The following DNHD1 variants were observed in gnomAD, a reference collection of about 807,000 sequenced individuals.
The protein encoded by DNHD1 is dynein heavy chain domain-containing protein 1.
In DNHD1, 383 loss-of-function variants were observed where a neutral mutation model predicts 458.1. That is an observed-to-expected ratio of 0.84 (90% CI 0.77 to 0.91). The LOEUF (loss-of-function observed/expected upper bound fraction) is 0.91. DNHD1 is among the 40% of genes least tolerant of loss of function. DNHD1 has a pLI of 0.00. For synonymous variants in DNHD1, 2,203 were observed against 2,376.9 expected (o/e 0.93, Z 2.13); for missense variants, 5,336 against 5,866.1 (o/e 0.91, Z 2.95).
At chr11:6,552,661 G>T (rs896663194) in intron 24 of DNHD1, among the ~76,000 whole-genome samples, 1 of 151,934 alleles carries the variant, frequency 6.6e-6, no homozygotes, top group African/African-American at 2.4e-5. Flanking sequence ...CGGGGGCGGG[G>T]TGGGGTGAAG....
Position 6,557,083 on chromosome 11 carries a change from C to A in DNHD1, c.7788C>A (p.His2596Gln), listed in dbSNP as rs747940622. ...HYHFSLHSVS[H>Q]LLSSLQLLPN... Reference sequence around the variant, plus strand: ...ACTTCTCCCTACACTCTGTGAGCCACCTACTGAGCAGCCTGCAGCTGCTGC... The same window carrying A: ...ACTTCTCCCTACACTCTGTGAGCCAACTACTGAGCAGCCTGCAGCTGCTGC... The change falls in exon 25 of 43, where the codon CAC becomes CAA. Residue 2596 changes from histidine to glutamine, a missense_variant. His to Gln is a conservative substitution (Grantham distance 24). Around this residue, in one of 4 missense-constraint regions of DNHD1, gnomAD observed 3,932 missense variants for 4,365.6 expected, o/e 0.90. Transcript: ENST00000254579. The A allele has an allele frequency of 6.4e-7, 1 of 1,551,750 alleles. No homozygotes were observed. The highest frequency in any genetic ancestry group is 1.2e-5 in the South Asian group (1 of 84,058).
In DNHD1 at chr11:6,528,622, A is replaced by G. The variant is rs555156573; in HGVS notation, c.1938A>G (p.Gly646=). The change falls in exon 11 of 43, where the codon GGA becomes GGG. Residue 646 remains glycine (G), a synonymous_variant. Coordinates refer to ENST00000254579, the MANE Select transcript of DNHD1 (RefSeq NM_144666.3). ...GCATCTTCTGTGGCCCGAATGTGGG[A>G]TTGGTGTGGCCCTGGAAGTCTCACC... ...AVSIFCGPNV[G]LVWPWKSHPI... 5.8e-6 allele frequency: 9 copies of G among 1,551,624 alleles called. No homozygotes were observed. The South Asian group carries it at 7.1e-5, about 12-fold the overall frequency.
In DNHD1 at chr11:6,548,211, T is replaced by A; in HGVS notation, c.6907T>A (p.Phe2303Ile). 1 of 1,551,582 alleles carries A rather than the reference T, an allele frequency of 6.4e-7. No individual in the cohort carries two copies. The highest frequency in any genetic ancestry group is 8.7e-7 in the Non-Finnish European group (1 of 1,146,902). ...TTGCCTGTGTGTCCATCTGAGCAGGTTCTGGCCCATCTTTGATACCTTCAT... is the reference window on the plus strand; with the variant it reads ...TTGCCTGTGTGTCCATCTGAGCAGGATCTGGCCCATCTTTGATACCTTCAT... ...WGFGAHLPSR[F>I]WPIFDTFIRD... The change falls in exon 23 of 43, where the codon TTC (phenylalanine) becomes ATC (isoleucine). Residue 2303 changes from phenylalanine to isoleucine, a missense_variant and splice_region_variant. By Grantham distance (21) the Phe-to-Ile change is conservative. Transcript: ENST00000254579. This position sits in a 1 kb window ranked among gnomAD's most constrained non-coding sequence, Gnocchi z 4.4.
Position 6,547,788 on chromosome 11 carries a change from T to C in DNHD1, c.6728-75T>C, listed in dbSNP as rs1027161209. 4 of 1,531,550 alleles carry C rather than the reference T, an allele frequency of 2.6e-6. No individual in the cohort carries two copies. The South Asian group carries it at 3.6e-5, about 14-fold the overall frequency. 94.9% of individuals were successfully genotyped at this position (1,531,550 alleles called of 1,614,324 possible). A position where few individuals can be genotyped will look rare whatever the true frequency, so the allele number is the denominator to read the frequency against. On this transcript the variant is annotated intron_variant, in intron 21 of 42. Transcript: ENST00000254579. ...GGGCCAGGAGTGAAAAGTAATACTG[T>C]CAACCTTTTTTCTTTCTTTCACCTT...
At position 6,544,890 on chromosome 11, in the gene DNHD1, G is replaced by C. The variant is rs1435308359; in HGVS notation, c.3951G>C (p.Glu1317Asp). The change falls in exon 21 of 43, where the codon GAG becomes GAC. Residue 1317 changes from glutamate (E) to aspartate (D), a missense_variant. Physicochemically the swap from Glu to Asp is conservative, Grantham distance 45. Transcript: ENST00000254579. ...MVLSLVVPSA[E>D]RSPYFQGQQL... Reference sequence around the variant, plus strand: ...TGTCACTTGTAGTGCCCAGTGCCGAGAGGAGCCCTTACTTCCAAGGCCAGC... The same window carrying C: ...TGTCACTTGTAGTGCCCAGTGCCGACAGGAGCCCTTACTTCCAAGGCCAGC... 6.4e-7 allele frequency: 1 copy of C among 1,551,578 alleles called. No individual in the cohort carries two copies. Among genetic ancestry groups the C allele is most frequent in the African/African-American group, 1.4e-5 (1 of 73,040 alleles).
Position 6,538,424 on chromosome 11 carries a change from C to T in DNHD1, c.3040C>T (p.Pro1014Ser). 6.4e-7 allele frequency: 1 copy of T among 1,551,766 alleles called. No homozygotes were observed. The highest frequency in any genetic ancestry group is 8.7e-7 in the Non-Finnish European group (1 of 1,147,006). The change falls in exon 15 of 43, where the codon CCT becomes TCT. Residue 1014 changes from proline (P) to serine (S), a missense_variant. Pro to Ser is a moderately conservative substitution (Grantham distance 74). Coordinates refer to ENST00000254579, the MANE Select transcript of DNHD1 (RefSeq NM_144666.3). ...PVPLPICGTR[P>S]IVQQQRIWHL... ...GCCCTTGCCAATCTGTGGGACACGT[C>T]CTATTGTGCAGCAGCAGCGCATATG...
chr11:6,557,034 C>CT lies in DNHD1; in HGVS notation c.7741dup (p.Ser2581PhefsTer70), dbSNP rs1262808138. ...GAGGCTGTGTGCAATTGCTTCATGC[C>CT]TTCACCCCTCCACCCACACTACCAC... On this transcript the variant is annotated frameshift_variant, in exon 25 of 43. Coordinates refer to ENST00000254579, the MANE Select transcript of DNHD1 (RefSeq NM_144666.3). LOFTEE classifies it high-confidence loss of function. 16 of 1,551,548 alleles carry CT rather than the reference C, an allele frequency of 1.0e-5. No homozygotes were observed. The highest frequency in any genetic ancestry group is 1.4e-5 in the Non-Finnish European group (16 of 1,146,998).
At chr11:6,566,841 T>A (rs1015665643) in intron 35 of DNHD1, 54 bp from the exon 36 acceptor site, 1 of 1,599,786 alleles carries the variant, frequency 6.3e-7, no homozygotes, top group Non-Finnish European at 8.5e-7. Context: ...TGAATGTAGA[T>A]GTTTGGGGTC....
rs1253425048 is a variant in DNHD1, at chr11:6,571,346, C to G, written c.13834C>G (p.Pro4612Ala). 1 of 1,612,468 alleles carries G rather than the reference C, an allele frequency of 6.2e-7. No homozygotes were observed. The change falls in exon 42 of 43, where the codon CCT becomes GCT. Residue 4612 changes from proline (P) to alanine (A), a missense_variant. Coordinates refer to ENST00000254579, the MANE Select transcript of DNHD1 (RefSeq NM_144666.3). The surrounding 1 kb of genome is among the most constrained non-coding windows in gnomAD (Gnocchi z 5.0). Reference sequence around the variant, plus strand: ...CCAGAATGTGCCCAGCTCGAATTTCCCTGGTAGCCGAGGCTCGGTCTCCAG... The same window carrying G: ...CCAGAATGTGCCCAGCTCGAATTTCGCTGGTAGCCGAGGCTCGGTCTCCAG... ...LDQNVPSSNF[P>A]GSRGSVSSQL...
rs1229523374 is a variant in DNHD1 at position 6,564,751 on chromosome 11, C to T, written c.10703C>T (p.Pro3568Leu). ...AACGAGGCCCTCATCTGGTTGGACCCGCTGCCTCTGGAAGAGAATCGATCT... is the reference window on the plus strand; with the variant it reads ...AACGAGGCCCTCATCTGGTTGGACCTGCTGCCTCTGGAAGAGAATCGATCT... ...PSNEALIWLD[P>L]LPLEENRSFA... Residue 3568 changes from proline (P) to leucine (L), a missense_variant, in exon 32 of 43, where the codon CCG (proline) becomes CTG (leucine). Around this residue, in one of 4 missense-constraint regions of DNHD1, gnomAD observed 11 missense variants for 31.4 expected, o/e 0.35. Transcript: ENST00000254579. 5.2e-6 allele frequency: 8 copies of T among 1,545,586 alleles called. No individual in the cohort carries two copies. Among genetic ancestry groups the T allele is most frequent in the African/African-American group, 2.7e-5 (2 of 72,944 alleles).
rs1392780336 is a variant in DNHD1 at position 6,571,668 on chromosome 11, G to C, written c.13944G>C (p.Glu4648Asp). 1 of 1,606,240 alleles carries C rather than the reference G, an allele frequency of 6.2e-7. No homozygotes were observed. The highest frequency in any genetic ancestry group is 1.1e-5 in the South Asian group (1 of 89,760). ...ATGGTCCAAATCCCACGGTTCCAGA[G>C]AGAGGGCTGCTGCTGATCGGGCTAC... is the stretch of plus-strand genomic sequence containing the variant. ...VENGPNPTVP[E>D]RGLLLIGLQV... The change falls in exon 43 of 43, where the codon GAG becomes GAC. Residue 4648 changes from glutamate (E) to aspartate (D), a missense_variant. This residue lies in a region of DNHD1 where 698 missense variants were observed against 664.9 expected (regional missense o/e 1.05). Transcript: ENST00000254579. This position sits in a 1 kb window ranked among gnomAD's most constrained non-coding sequence, Gnocchi z 5.0.
intron 7 of DNHD1, among the ~76,000 whole-genome samples, chr11:6,512,220 T>C (rs1384679993): frequency 4.8e-5 from 6 of 124,058 alleles, no homozygotes; most frequent in African/African-American, 2.1e-4. Flanking sequence ...TCTTTTTTTT[T>C]TTTTTTTTTT....
At chr11:6,511,884 C>T (rs1418288970) in intron 7 of DNHD1, among the ~76,000 whole-genome samples, 3 of 152,206 alleles carry the variant, frequency 2.0e-5, no homozygotes, top group African/African-American at 7.2e-5. Context: ...TGCACAACCC[C>T]TGCCTAGAGT....
rs1421305662 is a variant in DNHD1, at chr11:6,548,734, C to G, written c.7188C>G (p.Ala2396=). ...LAGEAATGKS[A]FVEVLVEPHH... ...GAGAGGCAGCAACAGGGAAGTCAGC[C>G]TTTGTGGAGGTGCTGGTAGAGCCAC... is the stretch of plus-strand genomic sequence containing the variant. The change falls in exon 24 of 43, where the codon GCC becomes GCG. Residue 2396 remains alanine (A), a synonymous_variant. Coordinates refer to ENST00000254579, the MANE Select transcript of DNHD1 (RefSeq NM_144666.3). The surrounding 1 kb of genome is among the most constrained non-coding windows in gnomAD (Gnocchi z 4.4). The G allele has an allele frequency of 3.2e-6, 5 of 1,551,542 alleles. No homozygotes were observed. The highest frequency in any genetic ancestry group is 3.5e-6 in the Non-Finnish European group (4 of 1,146,994).
At position 6,502,745 on chromosome 11, in the gene DNHD1, T is replaced by A; in HGVS notation, c.747-8T>A. ...CTGCCTTTTCTCTCCTGATTTTCTGTCACACAGGTCTCAGCTTGACTATGA... is the reference window on the plus strand; with the variant it reads ...CTGCCTTTTCTCTCCTGATTTTCTGACACACAGGTCTCAGCTTGACTATGA... On this transcript the variant is annotated splice_polypyrimidine_tract_variant and splice_region_variant and intron_variant, in intron 3 of 42. Transcript: ENST00000254579. 1 of 1,568,168 alleles carries A rather than the reference T, an allele frequency of 6.4e-7. No homozygotes were observed. Among genetic ancestry groups the A allele is most frequent in the Non-Finnish European group, 8.6e-7 (1 of 1,159,406 alleles).
At chr11:6,538,885 T>A in intron 16 of DNHD1, 75 bp downstream of exon 16, 2 of 1,305,010 alleles carry the variant, frequency 1.5e-6, no homozygotes, top group Non-Finnish European at 2.1e-6. Context: ...CTCAGTTTCC[T>A]GCTGCTCCTG....
rs1589861956 is a variant in DNHD1, at chr11:6,497,979, C to T, written c.-237C>T. On this transcript the variant is annotated 5_prime_UTR_variant, in exon 3 of 43. Transcript: ENST00000254579. ...GGGCCTGAGGGTCTCAGGAAAGGCT[C>T]TCTGCTGGTCTGGCTCTGCTCTGTA... 8 of 578,276 alleles carry T rather than the reference C, an allele frequency of 1.4e-5. No individual in the cohort carries two copies. The East Asian group carries it at 2.4e-4, about 17-fold the overall frequency. The allele number at this position is 578,276 out of a possible 1,614,324, so 35.8% of individuals were successfully genotyped here.
chr11:6,502,632 G>T, intron 3 of DNHD1, 121 bp from the exon 4 acceptor site: 2 of 820,594 alleles, frequency 2.4e-6, no homozygotes, highest in Non-Finnish European at 1.8e-6. Flanking sequence ...ACAATGCCAC[G>T]TCAGGTCTCC....
At chr11:6,535,612 A>G (rs1444353086) in intron 14 of DNHD1, among the ~76,000 whole-genome samples, 1 of 152,258 alleles carries the variant, frequency 6.6e-6, no homozygotes, top group African/African-American at 2.4e-5. Context: ...TTTGATCACC[A>G]AAGTAAGTAC....
Sources: gnomAD v4.1 joint callset for allele counts (sites outside exome capture counted in the v4.1 genomes callset) on GRCh38, gnomAD v4.1.1 for gene constraint, gnomAD v4.1.1 regional missense constraint, Gnocchi (gnomAD v3.1) non-coding constraint, MANE v1.5 for transcripts, NCBI Gene and HGNC (gene_info 2026-07-23, HGNC 2026-07-21) for gene names.